Variants in RPAP3 observed in about 807,000 individuals in gnomAD.
RPAP3 encodes RNA polymerase II-associated protein 3.
A neutral mutation model predicts 88.8 loss-of-function variants in RPAP3; 58 were observed. That is an observed-to-expected ratio of 0.65 (90% CI 0.53 to 0.81). RPAP3 has a LOEUF of 0.81. Among genes scored for constraint, RPAP3 ranks in the 40% least tolerant of loss-of-function variants. The pLI, the probability that RPAP3 is intolerant of heterozygous loss-of-function variation, is 0.00. For missense variants in RPAP3, 751 were observed against 764.3 expected (o/e 0.98, Z 0.20); for synonymous variants, 255 against 259.9 (o/e 0.98, Z 0.18).
At position 47,702,712 on chromosome 12, in the gene RPAP3, T is replaced by C; in HGVS notation, c.129A>G (p.Arg43=). ...CCTCTTCAGGAACACCATTCTGTCT[T>C]CTTAGTTCCATATCCTTTTGTTTAA... The part of the protein sequence containing the change: ...KDIKQKDMEL[R]RQNGVPEENL... Residue 43 remains arginine, a synonymous_variant, in exon 2 of 17, where the codon AGA becomes AGG. Coordinates refer to ENST00000005386, the MANE Select transcript of RPAP3 (RefSeq NM_024604.3). The C allele has an allele frequency of 6.2e-7, 1 of 1,610,012 alleles. No individual in the cohort carries two copies. The highest frequency in any genetic ancestry group is 8.5e-7 in the Non-Finnish European group (1 of 1,178,026).
chr12:47,674,752 A>G (rs1435234382), intron 12 of RPAP3, among the ~76,000 whole-genome samples: 10 of 152,238 alleles, frequency 6.6e-5, no homozygotes, highest in Non-Finnish European at 1.5e-4. Context: ...CTATGTGAAA[A>G]GAGCAAATTT....
At chr12:47,697,815 A>T in intron 3 of RPAP3, 96 bp from the exon 4 acceptor site, 1 of 1,135,278 alleles carries the variant, frequency 8.8e-7, no homozygotes, top group Non-Finnish European at 1.3e-6. Flanking sequence ...AATGAATGTA[A>T]ATTGTTACAA....
intron 12 of RPAP3, among the ~76,000 whole-genome samples, chr12:47,673,904 T>C (rs1473605688): frequency 1.3e-5 from 2 of 152,082 alleles, no homozygotes; most frequent in African/African-American, 4.8e-5. Context: ...TACAAAGACA[T>C]TTAATTTCTA....
rs1432048718 is a variant in RPAP3, at chr12:47,689,192, T to A, written c.671A>T (p.Tyr224Phe). The stretch of plus-strand genomic sequence containing the variant: ...TGGTTCTAGTTCTAATACTCTTTCA[T>A]AATCTAAGTAAAAGAGAAGATAAAA... Reference protein sequence around the residue: ...LQKLEEAKKDYERVLELEPNN... With the variant: ...LQKLEEAKKDFERVLELEPNN... The change falls in exon 7 of 17, where the codon TAT (tyrosine) becomes TTT (phenylalanine). Residue 224 changes from tyrosine (Y) to phenylalanine (F), a missense_variant. By Grantham distance (22) the Tyr-to-Phe change is conservative (BLOSUM62 3). Transcript: ENST00000005386. 1.5e-6 allele frequency: 2 copies of A among 1,333,320 alleles called. No homozygotes were observed. Among genetic ancestry groups the A allele is most frequent in the Non-Finnish European group, 2.1e-6 (2 of 953,578 alleles). 82.6% of individuals were successfully genotyped at this position (1,333,320 alleles called of 1,614,324 possible).
intron 8 of RPAP3, among the ~76,000 whole-genome samples, chr12:47,687,329 T>C (rs1939345852): frequency 1.3e-5 from 2 of 152,182 alleles, no homozygotes. Flanking sequence ...CACTCTTCAA[T>C]AACTTTAATA....
At chr12:47,688,106 A>C in intron 7 of RPAP3, 105 bp from the exon 8 acceptor site, 1 of 978,362 alleles carries the variant, frequency 1.0e-6, no homozygotes, top group East Asian at 3.1e-5. Context: ...TTTCTGCCAC[A>C]TTTTAAATAA....
chr12:47,678,024 C>T (rs1939150848), intron 12 of RPAP3, among the ~76,000 whole-genome samples: 1 of 152,270 alleles, frequency 6.6e-6, no homozygotes, highest in South Asian at 2.1e-4. Context: ...ATAACCGAAA[C>T]AGCATGGTAC....
chr12:47,693,498 C>T (rs1939466823), intron 5 of RPAP3, among the ~76,000 whole-genome samples: 1 of 152,228 alleles, frequency 6.6e-6, no homozygotes, highest in Non-Finnish European at 1.5e-5. Flanking sequence ...AGTTGCTTGA[C>T]TTGCCTGATA....
Position 47,697,050 on chromosome 12 carries a change from C to CA in RPAP3, c.417+546dup, listed in dbSNP as rs1359365797. ...CAATGCCAACCTACAGAAATGTAAC[C>CA]AAAAAAAAGCATCAAGAGTTTAATC... is the stretch of plus-strand genomic sequence containing the variant. On this transcript the variant is annotated intron_variant, in intron 4 of 16. Transcript: ENST00000005386. Among the ~76,000 whole-genome samples the CA allele has an allele frequency of 4.6e-5, 7 of 151,322 alleles. No individual in the cohort carries two copies. The South Asian group carries it at 6.3e-4, about 14-fold the overall frequency.
intron 5 of RPAP3, 105 bp downstream of exon 5, chr12:47,696,171 T>C (rs1016106097): frequency 3.5e-5 from 34 of 957,892 alleles, no homozygotes; most frequent in Admixed American, 1.2e-4. Flanking sequence ...GAAAATGCAA[T>C]ACATTTTCAA....
chr12:47,664,754 A>C (rs991442112), intron 16 of RPAP3: 4 of 152,190 alleles, frequency 2.6e-5, no homozygotes, highest in African/African-American at 7.2e-5. Context: ...TCATTCATTC[A>C]ACACACTGAC....
intron 16 of RPAP3, among the ~76,000 whole-genome samples, chr12:47,666,372 T>C (rs915859540): frequency 6.6e-6 from 1 of 152,212 alleles, no homozygotes; most frequent in African/African-American, 2.4e-5. Context: ...CTGGACTCAA[T>C]TTGCTCTTTC....
chr12:47,671,694 G>C (rs567579651), intron 12 of RPAP3, among the ~76,000 whole-genome samples: 1 of 152,258 alleles, frequency 6.6e-6, no homozygotes, highest in African/African-American at 2.4e-5. Context: ...ATCAAGAATG[G>C]ATATGTGTAT....
intron 10 of RPAP3, among the ~76,000 whole-genome samples, chr12:47,681,366 C>T (rs1256459406): frequency 1.3e-5 from 2 of 152,190 alleles, no homozygotes; most frequent in Admixed American, 6.5e-5. Flanking sequence ...GAGTCCCTTT[C>T]GCTCAACAAC....
rs550390325 is a variant in RPAP3 at position 47,687,359 on chromosome 12, T to G, written c.865-452A>C. Among the ~76,000 whole-genome samples the G allele has an allele frequency of 6.6e-5, 10 of 152,216 alleles. No individual in the cohort carries two copies. In the South Asian group the frequency reaches 2.1e-3, roughly 32 times the overall value. On this transcript the variant is annotated intron_variant, in intron 8 of 16. Transcript: ENST00000005386. ...TTAATATGCCCAAATATAAGATAAA[T>G]TCAGCTGTATTGGAATTTGTATACC...
rs1168074831 is a variant in RPAP3 at position 47,661,430 on chromosome 12, A to G, written c.*2075T>C. 2 of 152,206 alleles carry G rather than the reference A, an allele frequency of 1.3e-5. No homozygotes were observed. The highest frequency in any genetic ancestry group is 2.9e-5 in the Non-Finnish European group (2 of 68,040). The allele number at this position is 152,206 out of a possible 1,614,324, so 9.4% of individuals were successfully genotyped here. On this transcript the variant is annotated 3_prime_UTR_variant, in exon 17 of 17. Transcript: ENST00000005386. ...CCTGCTCCAAAAACAAAATGTGTGC[A>G]TTCATTCAATCTCACTTATACCCAT... is the stretch of plus-strand genomic sequence containing the variant.
At chr12:47,696,123 A>G (rs1939521123) in intron 5 of RPAP3, 153 bp downstream of exon 5, 1 of 585,538 alleles carries the variant, frequency 1.7e-6, no homozygotes, top group Non-Finnish European at 2.6e-6. Flanking sequence ...AAATAATTCA[A>G]TAAAAAGGAG....
chr12:47,667,473 A>G (rs527264839), intron 15 of RPAP3, among the ~76,000 whole-genome samples: 1 of 152,340 alleles, frequency 6.6e-6, no homozygotes, highest in East Asian at 1.9e-4. Context: ...AATTTGCTAT[A>G]TACATTCAAA....
chr12:47,675,787 A>C (rs1487972842), intron 12 of RPAP3, among the ~76,000 whole-genome samples: 2 of 152,174 alleles, frequency 1.3e-5, no homozygotes, highest in Admixed American at 6.5e-5. Context: ...CTCCCAAACA[A>C]TAATAATGGG....
Sources: gnomAD v4.1 joint callset for allele counts (sites outside exome capture counted in the v4.1 genomes callset) on GRCh38, gnomAD v4.1.1 for gene constraint, MANE v1.5 for transcripts, NCBI Gene and HGNC (gene_info 2026-07-23, HGNC 2026-07-21) for gene names.